Variants in ENOX2 observed in about 807,000 individuals in gnomAD.
ENOX2 encodes the protein ecto-NOX disulfide-thiol exchanger 2, also known as APK1 antigen.
In ENOX2, 36 loss-of-function variants were observed where a neutral mutation model predicts 45.0. The observed-to-expected ratio is 0.80, with a 90% confidence interval of 0.61 to 1.06. The LOEUF is 1.06. ENOX2 is among the 50% of genes least tolerant of loss of function. The pLI is 0.00. For missense variants in ENOX2, 423 were observed against 462.5 expected, an observed-to-expected ratio of 0.91 and a Z score of 0.78; for synonymous variants, 174 against 152.3, an observed-to-expected ratio of 1.14 and a Z score of -1.05.
intron 3 of ENOX2, among the ~76,000 whole-genome samples, chrX:130,713,077 T>A (rs140143115): frequency 1.4e-4 from 16 of 112,485 alleles, no homozygotes; most frequent in Non-Finnish European, 2.1e-4. Context: ...AGGCCACAGA[T>A]ACAGTTAATG....
chrX:130,892,689 A>T (rs2079002576), intron 2 of ENOX2, among the ~76,000 whole-genome samples: 1 of 112,987 alleles, frequency 8.9e-6, no homozygotes, highest in African/African-American at 3.2e-5. Flanking sequence ...TGAAAAAGAC[A>T]TGTGATCCAT....
At chrX:130,820,394 G>C (rs1349248471) in intron 2 of ENOX2, among the ~76,000 whole-genome samples, 1 of 112,004 alleles carries the variant, frequency 8.9e-6, no homozygotes, top group Non-Finnish European at 1.9e-5. Context: ...TTATGGAAAA[G>C]AGTATGGAGG....
At chrX:130,793,439 A>C in intron 2 of ENOX2, among the ~76,000 whole-genome samples, 1 of 112,098 alleles carries the variant, frequency 8.9e-6, no homozygotes, top group Non-Finnish European at 1.9e-5. Context: ...GATTCTGTTT[A>C]GGAGACCATA....
At chrX:130,886,410 A>G (rs945473556) in intron 2 of ENOX2, among the ~76,000 whole-genome samples, 1 of 112,742 alleles carries the variant, frequency 8.9e-6, no homozygotes, top group South Asian at 3.6e-4. Context: ...TCTGTGAAGC[A>G]AGAAAGTGAA....
At position 130,900,095 on chromosome X, in the gene ENOX2, G is replaced by A. The variant is rs564767284; in HGVS notation, c.-183+1589C>T. 7.2e-4 allele frequency among the ~76,000 whole-genome samples: 81 copies of A among 111,798 alleles called. 2 individuals carry two copies. Among genetic ancestry groups the A allele is most frequent in the African/African-American group, 2.5e-3 (78 of 30,742 alleles). ...CCTTCCCACTGTCATTTTCCTTACA[G>A]TAAAAATCTGATCGTGGTGCTCTTC... is the stretch of plus-strand genomic sequence containing the variant. On this transcript the variant is annotated intron_variant, in intron 2 of 14. Coordinates refer to ENST00000394363, the MANE Select transcript of ENOX2 (RefSeq NM_006375.4).
intron 2 of ENOX2, among the ~76,000 whole-genome samples, chrX:130,787,396 C>T (rs754757447): frequency 9.0e-6 from 1 of 111,657 alleles, no homozygotes; most frequent in African/African-American, 3.3e-5. Context: ...ACATCTGGCA[C>T]ATAGTAGATG....
chrX:130,834,231 C>G lies in ENOX2; in HGVS notation c.-182-50541G>C, dbSNP rs760084710. Among the ~76,000 whole-genome samples, 8 of 111,291 alleles carry G rather than the reference C, an allele frequency of 7.2e-5. No individual in the cohort carries two copies. The South Asian group carries it at 3.0e-3, about 42-fold the overall frequency. On this transcript the variant is annotated intron_variant, in intron 2 of 14. Transcript: ENST00000394363. The stretch of plus-strand genomic sequence containing the variant: ...CCTTTATATTCTCTTTCAACTGACT[C>G]TGCCTCCTCTCAGGTACTCAGGCAC...
intron 2 of ENOX2, among the ~76,000 whole-genome samples, chrX:130,883,295 G>C (rs746089745): frequency 9.0e-6 from 1 of 111,147 alleles, no homozygotes; most frequent in South Asian, 3.8e-4. Context: ...ATTTTTAGTA[G>C]AGACAGGGTT....
chrX:130,735,868 C>T (rs982426412), intron 3 of ENOX2, among the ~76,000 whole-genome samples: 2 of 110,919 alleles, frequency 1.8e-5, no homozygotes, highest in Non-Finnish European at 3.8e-5. Flanking sequence ...AATCAGGCTA[C>T]AGAATAGTAT....
intron 3 of ENOX2, among the ~76,000 whole-genome samples, chrX:130,732,728 G>A (rs941329899): frequency 1.6e-4 from 17 of 104,028 alleles, no homozygotes; most frequent in Non-Finnish European, 2.8e-4. Flanking sequence ...ACACACACAC[G>A]TACAGTTAAT....
At chrX:130,778,469 T>A (rs1004288185) in intron 3 of ENOX2, among the ~76,000 whole-genome samples, 18 of 111,473 alleles carry the variant, frequency 1.6e-4, no homozygotes, top group Non-Finnish European at 9.4e-5. Context: ...AGTTGGGAGG[T>A]CTATGATCAA....
chrX:130,629,341 A>C (rs2035632549), intron 13 of ENOX2, among the ~76,000 whole-genome samples: 1 of 113,091 alleles, frequency 8.8e-6, no homozygotes, highest in African/African-American at 3.2e-5. Context: ...AAAAACATTA[A>C]GCGATTTTGT....
intron 3 of ENOX2, among the ~76,000 whole-genome samples, chrX:130,711,631 A>T (rs2038193284): frequency 9.0e-6 from 1 of 111,569 alleles, no homozygotes; most frequent in African/African-American, 3.3e-5. Flanking sequence ...TCATTTTCAC[A>T]TGAGTTGTGA....
At chrX:130,668,637 T>A (rs1228135510) in intron 7 of ENOX2, among the ~76,000 whole-genome samples, 1 of 111,821 alleles carries the variant, frequency 8.9e-6, no homozygotes, top group African/African-American at 3.3e-5. Context: ...TGAAGCCCAA[T>A]TCAAGGGCTT....
At chrX:130,881,647 T>C (rs2078812457) in intron 2 of ENOX2, among the ~76,000 whole-genome samples, 1 of 111,987 alleles carries the variant, frequency 8.9e-6, no homozygotes, top group Admixed American at 9.5e-5. Context: ...TGGTATTAAA[T>C]ATGTGTACAT....
At chrX:130,648,161 A>G (rs930497513) in intron 10 of ENOX2, among the ~76,000 whole-genome samples, 16 of 112,192 alleles carry the variant, frequency 1.4e-4, no homozygotes, top group Non-Finnish European at 1.9e-5. Context: ...AAGAAAAGTG[A>G]TAGAAATTAA....
chrX:130,877,494 T>C (rs2078727219), intron 2 of ENOX2, among the ~76,000 whole-genome samples: 3 of 112,292 alleles, frequency 2.7e-5, no homozygotes, highest in Middle Eastern at 4.6e-3. Flanking sequence ...CCAAAGCTCC[T>C]GAATGAACTA....
At chrX:130,891,490 GTTTTTTTTTT>G (rs140444679) in intron 2 of ENOX2, among the ~76,000 whole-genome samples, 8 of 44,565 alleles carry the variant, frequency 1.8e-4, no homozygotes, top group African/African-American at 4.7e-4. Flanking sequence ...ACACTATATG[GTTTTTTTTTT>G]TTTTTTTTTT....
intron 12 of ENOX2, 69 bp from the exon 13 acceptor site, chrX:130,631,645 A>G (rs1186296700): frequency 3.5e-6 from 2 of 567,745 alleles, no homozygotes; most frequent in African/African-American, 4.4e-5. Context: ...AATTAACTAC[A>G]CAACAGGTAA....
Sources: gnomAD v4.1 joint callset for allele counts (sites outside exome capture counted in the v4.1 genomes callset) on GRCh38, gnomAD v4.1.1 for gene constraint, MANE v1.5 for transcripts, NCBI Gene and HGNC (gene_info 2026-07-23, HGNC 2026-07-21) for gene names.